The following CSMD1 variants were observed in gnomAD, a reference collection of about 807,000 sequenced individuals.
CSMD1 encodes CUB and Sushi multiple domains 1, also known as CUB and sushi domain-containing protein 1.
In CSMD1, 213 loss-of-function variants were observed where a neutral mutation model predicts 417.5. The ratio of observed to expected loss-of-function variants is 0.51; its 90% CI spans 0.46 to 0.57. CSMD1 has a LOEUF of 0.57. Among genes scored for constraint, CSMD1 ranks in the 20% least tolerant of loss-of-function variants. CSMD1 has a pLI of 0.00. For missense variants in CSMD1, 6,923 were observed against 4,529.7 expected (o/e 1.53, Z -15.17); for synonymous variants, 2,862 against 1,736.8 (o/e 1.65, Z -16.11).
At chr8:3,398,946 A>G (rs1585105807) in intron 16 of CSMD1, among the ~76,000 whole-genome samples, 1 of 152,062 alleles carries the variant, frequency 6.6e-6, no homozygotes, top group Non-Finnish European at 1.5e-5. Context: ...TGCTGTCCGC[A>G]CCCCATTGCC....
chr8:3,215,679 C>G (rs114038478), intron 29 of CSMD1, among the ~76,000 whole-genome samples: 3 of 152,056 alleles, frequency 2.0e-5, no homozygotes, highest in Non-Finnish European at 4.4e-5. Flanking sequence ...CTTCTGGTAG[C>G]CTTAATATTT....
chr8:4,074,351 T>C lies in CSMD1; in HGVS notation c.416-42252A>G, dbSNP rs552094054. On this transcript the variant is annotated intron_variant, in intron 3 of 69. Coordinates refer to ENST00000635120, the MANE Select transcript of CSMD1 (RefSeq NM_033225.6). The stretch of plus-strand genomic sequence containing the variant: ...GTATTTGGCATCTGAATGTAAAATG[T>C]AGTATTTAGTCCATAAATGATAGCA... Among the ~76,000 whole-genome samples the C allele has an allele frequency of 2.0e-5, 3 of 152,214 alleles. No individual in the cohort carries two copies. The South Asian group carries it at 6.2e-4, about 32-fold the overall frequency.
At chr8:3,536,093 G>T (rs746583158) in intron 10 of CSMD1, among the ~76,000 whole-genome samples, 1 of 152,200 alleles carries the variant, frequency 6.6e-6, no homozygotes, top group East Asian at 1.9e-4. Flanking sequence ...CCAAGTAGCT[G>T]ATAAATATTA....
intron 5 of CSMD1, among the ~76,000 whole-genome samples, chr8:3,911,984 C>A (rs868569474): frequency 2.6e-5 from 4 of 151,942 alleles, no homozygotes; most frequent in African/African-American, 9.7e-5. Context: ...TTTCCTGAAC[C>A]GATAAAAATA....
intron 2 of CSMD1, among the ~76,000 whole-genome samples, chr8:4,469,742 A>G (rs975305129): frequency 1.5e-4 from 23 of 152,068 alleles, no homozygotes; most frequent in Non-Finnish European, 2.9e-5. Context: ...TCTGCACAGG[A>G]GGCAATGGAA....
chr8:3,609,984 TAG>T (rs1340401535), intron 8 of CSMD1, among the ~76,000 whole-genome samples: 1 of 151,950 alleles, frequency 6.6e-6, no homozygotes, highest in Non-Finnish European at 1.5e-5. Flanking sequence ...GTATTTTTAG[TAG>T]AGACAGGATT....
At chr8:3,838,883 T>G (rs1333623429) in intron 5 of CSMD1, among the ~76,000 whole-genome samples, 7 of 101,194 alleles carry the variant, frequency 6.9e-5, no homozygotes, top group African/African-American at 3.2e-4. Flanking sequence ...ATAATATTAA[T>G]TATAATATAT....
chr8:4,505,390 T>A (rs930919190), intron 2 of CSMD1, among the ~76,000 whole-genome samples: 1 of 152,148 alleles, frequency 6.6e-6, no homozygotes, highest in Non-Finnish European at 1.5e-5. Flanking sequence ...ATTTCTAAGA[T>A]GATAAATAAA....
chr8:3,613,317 G>A (rs1232885478), intron 8 of CSMD1: 1 of 420,910 alleles, frequency 2.4e-6, no homozygotes, highest in East Asian at 8.0e-5. Context: ...CTTCCCTGGT[G>A]AATTATTCCA....
chr8:3,786,786 C>A (rs1466716323), intron 5 of CSMD1, among the ~76,000 whole-genome samples: 2 of 152,140 alleles, frequency 1.3e-5, no homozygotes, highest in South Asian at 2.1e-4. Flanking sequence ...CTTCCCCTTG[C>A]GTCCTCAGGT....
intron 3 of CSMD1, among the ~76,000 whole-genome samples, chr8:4,304,181 G>C (rs1033762143): frequency 2.6e-5 from 4 of 152,086 alleles, no homozygotes; most frequent in African/African-American, 9.7e-5. Context: ...ATTCAAATTT[G>C]GGAGAATAAG....
chr8:4,061,664 T>C (rs980759914), intron 3 of CSMD1, among the ~76,000 whole-genome samples: 1 of 152,206 alleles, frequency 6.6e-6, no homozygotes, highest in Non-Finnish European at 1.5e-5. Context: ...AAAGACTGTT[T>C]CGTGATGGTG....
intron 3 of CSMD1, among the ~76,000 whole-genome samples, chr8:4,383,793 G>A (rs1441922756): frequency 1.3e-5 from 2 of 151,904 alleles, no homozygotes; most frequent in African/African-American, 2.4e-5. Context: ...AGTGTCAAAT[G>A]CTACATATAT....
At chr8:3,553,074 T>C (rs1435076576) in intron 10 of CSMD1, among the ~76,000 whole-genome samples, 1 of 151,832 alleles carries the variant, frequency 6.6e-6, no homozygotes, top group Admixed American at 6.6e-5. Context: ...TAAAATATTA[T>C]TCTTAAAACC....
intron 3 of CSMD1, among the ~76,000 whole-genome samples, chr8:4,092,766 C>T (rs770863962): frequency 6.6e-6 from 1 of 151,794 alleles, no homozygotes; most frequent in Admixed American, 6.6e-5. Context: ...ACTTTTATTC[C>T]TTTTACTGTA....
intron 8 of CSMD1, among the ~76,000 whole-genome samples, chr8:3,611,373 C>T (rs1041140804): frequency 6.6e-6 from 1 of 152,074 alleles, no homozygotes; most frequent in Non-Finnish European, 1.5e-5. Context: ...GAGGAACAAA[C>T]ATCTATGTAA....
Position 3,309,058 on chromosome 8 carries a change from C to T in CSMD1, c.3632-555G>A, listed in dbSNP as rs532755513. ...CTTGTTTTCCGGAGTTCCACAACTT[C>T]ATCTGTCAGTCCAAGCCTCCAGTCT... On this transcript the variant is annotated intron_variant, in intron 23 of 69. Coordinates refer to ENST00000635120, the MANE Select transcript of CSMD1 (RefSeq NM_033225.6). Among the ~76,000 whole-genome samples, 179 of 152,242 alleles carry T rather than the reference C, an allele frequency of 1.2e-3. 1 individual carries two copies. The highest frequency in any genetic ancestry group is 4.1e-3 in the African/African-American group (170 of 41,550).
chr8:4,822,027 G>A (rs1034537455), intron 1 of CSMD1, among the ~76,000 whole-genome samples: 2 of 151,822 alleles, frequency 1.3e-5, no homozygotes, highest in Admixed American at 1.3e-4. Flanking sequence ...CACTACTATG[G>A]GAATTATTAC....
chr8:2,947,784 A>C (rs542838725), intron 68 of CSMD1, among the ~76,000 whole-genome samples: 7 of 152,178 alleles, frequency 4.6e-5, no homozygotes, highest in African/African-American at 1.7e-4. Flanking sequence ...TGTTGGTCTA[A>C]TGCATTTATT....
Sources: allele counts gnomAD v4.1 joint callset (sites outside exome capture counted in the v4.1 genomes callset), GRCh38; gene constraint gnomAD v4.1.1; transcripts MANE v1.5; gene names NCBI Gene and HGNC (gene_info 2026-07-23, HGNC 2026-07-21).